EPB41L4A: variants seen among roughly 807,000 people sequenced by gnomAD.
EPB41L4A encodes erythrocyte membrane protein band 4.1 like 4A, also known as band 4.1-like protein 4A.
In EPB41L4A, 100 loss-of-function variants were observed where a neutral mutation model predicts 108.6. That is an observed-to-expected ratio of 0.92 (90% CI 0.78 to 1.09). The LOEUF (loss-of-function observed/expected upper bound fraction) is 1.09, where lower values mean the gene tolerates loss of function less well. Ranked by LOEUF, EPB41L4A falls within the 50% of genes least tolerant of loss-of-function variation. The pLI is 0.00. For synonymous variants in EPB41L4A, 319 were observed against 289.0 expected, an observed-to-expected ratio of 1.10 and a Z score of -1.05; for missense variants, 1,030 against 842.7, an observed-to-expected ratio of 1.22 and a Z score of -2.75.
At chr5:112,390,246 G>A (rs959562987) in intron 1 of EPB41L4A, among the ~76,000 whole-genome samples, 9 of 152,156 alleles carry the variant, frequency 5.9e-5, no homozygotes, top group African/African-American at 9.6e-5. Flanking sequence ...GCGGGGCATC[G>A]CCTCACCTGG....
At chr5:112,247,706 T>C (rs935017444) in intron 9 of EPB41L4A, among the ~76,000 whole-genome samples, 1 of 151,984 alleles carries the variant, frequency 6.6e-6, no homozygotes, top group Admixed American at 6.6e-5. Context: ...GAATTGGGGG[T>C]TTGAGTCAGG....
intron 1 of EPB41L4A, among the ~76,000 whole-genome samples, chr5:112,379,282 A>C (rs1298225099): frequency 6.6e-6 from 1 of 152,188 alleles, no homozygotes; most frequent in Non-Finnish European, 1.5e-5. Context: ...AAACAATTAG[A>C]AGTCCCCAAA....
chr5:112,309,221 T>C (rs1331530950), intron 1 of EPB41L4A, among the ~76,000 whole-genome samples: 1 of 152,214 alleles, frequency 6.6e-6, no homozygotes, highest in African/African-American at 2.4e-5. Flanking sequence ...TTATCATCTA[T>C]TAAATGAATC....
intron 22 of EPB41L4A, among the ~76,000 whole-genome samples, chr5:112,166,873 T>C (rs1438145618): frequency 6.6e-6 from 1 of 152,236 alleles, no homozygotes; most frequent in Non-Finnish European, 1.5e-5. Flanking sequence ...CCTTAGGCCA[T>C]GGTTTGCTGA....
downstream of EPB41L4A, chr5:112,160,462 A>T (rs1759819089): frequency 6.6e-6 from 1 of 152,302 alleles, no homozygotes; most frequent in Non-Finnish European, 1.5e-5. Flanking sequence ...GGAGCATAGT[A>T]AGTGCTGACT....
At chr5:112,141,917 C>G (rs1421060694), downstream of EPB41L4A, among the ~76,000 whole-genome samples, 3 of 152,138 alleles carry the variant, frequency 2.0e-5, no homozygotes, top group Non-Finnish European at 4.4e-5. Flanking sequence ...TAGGTGACCA[C>G]CCTCCTCCCC....
At chr5:112,185,939 T>C (rs1761404726) in intron 17 of EPB41L4A, among the ~76,000 whole-genome samples, 2 of 151,908 alleles carry the variant, frequency 1.3e-5, no homozygotes, top group South Asian at 4.2e-4. Flanking sequence ...GGCTTGCTGG[T>C]AGGGGAGCAG....
chr5:112,253,661 G>A (rs144754574), intron 9 of EPB41L4A, among the ~76,000 whole-genome samples: 3 of 152,232 alleles, frequency 2.0e-5, no homozygotes, highest in East Asian at 1.9e-4. Flanking sequence ...TATGACATAC[G>A]TAACTTACTC....
chr5:112,401,642 T>C (rs1223908741), intron 1 of EPB41L4A, among the ~76,000 whole-genome samples: 1 of 152,178 alleles, frequency 6.6e-6, no homozygotes, highest in Admixed American at 6.5e-5. Context: ...TCCAAGTAAT[T>C]GTATCTTTAT....
At chr5:112,300,231 G>A (rs1239791271) in intron 2 of EPB41L4A, among the ~76,000 whole-genome samples, 2 of 151,318 alleles carry the variant, frequency 1.3e-5, no homozygotes, top group Non-Finnish European at 2.9e-5. Context: ...TTATATTTTT[G>A]TTTTATAGGT....
At chr5:112,216,298 G>C (rs1327615404) in intron 12 of EPB41L4A, among the ~76,000 whole-genome samples, 1 of 152,138 alleles carries the variant, frequency 6.6e-6, no homozygotes, top group Non-Finnish European at 1.5e-5. Flanking sequence ...ATAGGATTAC[G>C]AGTCTCACAA....
chr5:112,258,462 C>T (rs1025582587), intron 9 of EPB41L4A, among the ~76,000 whole-genome samples: 3 of 152,198 alleles, frequency 2.0e-5, no homozygotes, highest in African/African-American at 7.2e-5. Context: ...GTAGATTCTC[C>T]TATATCGTGT....
intron 9 of EPB41L4A, among the ~76,000 whole-genome samples, chr5:112,250,185 C>G (rs1267011496): frequency 6.6e-6 from 1 of 152,162 alleles, no homozygotes; most frequent in East Asian, 1.9e-4. Flanking sequence ...TTCTAGTACT[C>G]TTATCAGCTA....
intron 1 of EPB41L4A, among the ~76,000 whole-genome samples, chr5:112,363,904 G>C (rs1176808619): frequency 6.6e-6 from 1 of 152,210 alleles, no homozygotes; most frequent in East Asian, 1.9e-4. Flanking sequence ...AGTTTATAGA[G>C]TGTAGCATTC....
intron 9 of EPB41L4A, chr5:112,250,573 G>T (rs1750589707): frequency 6.6e-6 from 1 of 152,154 alleles, no homozygotes; most frequent in African/African-American, 2.4e-5. Flanking sequence ...TTAAAACGAA[G>T]GCTTATGTGG....
At chr5:112,242,299 T>C (rs981757053) in intron 9 of EPB41L4A, among the ~76,000 whole-genome samples, 1 of 152,242 alleles carries the variant, frequency 6.6e-6, no homozygotes, top group Non-Finnish European at 1.5e-5. Flanking sequence ...TTAAATCCTT[T>C]GTTGTCATTT....
chr5:112,220,351 G>T (rs919292233), intron 12 of EPB41L4A, among the ~76,000 whole-genome samples: 1 of 152,082 alleles, frequency 6.6e-6, no homozygotes, highest in African/African-American at 2.4e-5. Context: ...CTTAGAAAAG[G>T]ATATGTCACT....
At chr5:112,225,729 G>A (rs1748400833) in intron 12 of EPB41L4A, among the ~76,000 whole-genome samples, 1 of 152,042 alleles carries the variant, frequency 6.6e-6, no homozygotes, top group Non-Finnish European at 1.5e-5. Flanking sequence ...ATACTACCGG[G>A]CCCCTCTGCT....
chr5:112,245,484 A>T (rs1750139216), intron 9 of EPB41L4A, among the ~76,000 whole-genome samples: 1 of 152,214 alleles, frequency 6.6e-6, no homozygotes. Context: ...AAGAGATGTG[A>T]TGGAAACAAA....
Sources: gnomAD v4.1 joint callset for allele counts (sites outside exome capture counted in the v4.1 genomes callset) on GRCh38, gnomAD v4.1.1 for gene constraint, MANE v1.5 for transcripts, NCBI Gene and HGNC (gene_info 2026-07-23, HGNC 2026-07-21) for gene names.